Variants in MAN1A2 observed in about 807,000 individuals in gnomAD.
The protein encoded by MAN1A2 is mannosyl-oligosaccharide 1,2-alpha-mannosidase IB.
Under a neutral mutation model 75.7 loss-of-function variants are expected in MAN1A2, and 26 were observed. That is an observed-to-expected ratio of 0.34 (90% confidence interval 0.25 to 0.48). The LOEUF is 0.48. Among genes scored for constraint, MAN1A2 ranks in the 20% least tolerant of loss-of-function variants. The pLI is 0.99. For synonymous variants in MAN1A2, 247 were observed against 264.6 expected (o/e 0.93, Z 0.65); for missense variants, 562 against 775.5 (o/e 0.72, Z 3.27).
intron 9 of MAN1A2, among the ~76,000 whole-genome samples, chr1:117,495,648 A>G (rs1287493738): frequency 6.6e-6 from 1 of 151,802 alleles, no homozygotes; most frequent in Non-Finnish European, 1.5e-5. Context: ...TTTTAATTGT[A>G]ATATGGTAAG....
chr1:117,377,695 G>A (rs1175527569), intron 1 of MAN1A2, among the ~76,000 whole-genome samples: 1 of 151,456 alleles, frequency 6.6e-6, no homozygotes, highest in Admixed American at 6.6e-5. Context: ...TTTTGTGTTC[G>A]TTTTGTTTCT....
chr1:117,435,784 G>A (rs985160497), intron 5 of MAN1A2, among the ~76,000 whole-genome samples: 6 of 152,104 alleles, frequency 3.9e-5, no homozygotes, highest in East Asian at 1.9e-4. Flanking sequence ...TTGGCCTTGC[G>A]CGGTGGCTCA....
chr1:117,391,136 A>T (rs1240333516), intron 1 of MAN1A2, among the ~76,000 whole-genome samples: 1 of 152,070 alleles, frequency 6.6e-6, no homozygotes, highest in Non-Finnish European at 1.5e-5. Context: ...CCTGGTTTCT[A>T]CTCTAATCCC....
chr1:117,502,858 A>G lies in MAN1A2; in HGVS notation c.1681A>G (p.Ile561Val), dbSNP rs1304430593. 1.3e-6 allele frequency: 2 copies of G among 1,553,174 alleles called. No homozygotes were observed. Among genetic ancestry groups the G allele is most frequent in the African/African-American group, 1.4e-5 (1 of 73,366 alleles). Reference protein sequence around the residue: ...RQWGWEAALAIEKYCRVNGGF... With the variant: ...RQWGWEAALAVEKYCRVNGGF... ...TTTTGTCTGATCTCTTTCATAGGCC[A>G]TTGAAAAGTATTGCCGAGTTAATGG... Residue 561 changes from isoleucine to valine, a missense_variant, in exon 12 of 13, where the codon ATT becomes GTT. Transcript: ENST00000356554.
At chr1:117,422,515 A>T (rs954556058) in intron 5 of MAN1A2, among the ~76,000 whole-genome samples, 5 of 152,128 alleles carry the variant, frequency 3.3e-5, no homozygotes, top group Non-Finnish European at 5.9e-5. Context: ...TTAAGTGTAT[A>T]TTTAACTTTG....
At chr1:117,430,158 G>A (rs1251291517) in intron 5 of MAN1A2, among the ~76,000 whole-genome samples, 2 of 93,386 alleles carry the variant, frequency 2.1e-5, no homozygotes, top group Non-Finnish European at 4.4e-5. Context: ...AGGGGTGGCC[G>A]GGCAGAGGCG....
intron 8 of MAN1A2, among the ~76,000 whole-genome samples, chr1:117,476,458 C>T (rs1337408927): frequency 1.3e-5 from 2 of 151,962 alleles, no homozygotes; most frequent in Admixed American, 1.3e-4. Flanking sequence ...ATGGTATTGC[C>T]GAGGTTTTCT....
intron 5 of MAN1A2, among the ~76,000 whole-genome samples, chr1:117,423,555 T>C (rs1423253100): frequency 6.6e-6 from 1 of 152,320 alleles, no homozygotes; most frequent in East Asian, 1.9e-4. Context: ...CATACAGATC[T>C]TGTATGTATT....
At chr1:117,507,037 G>T (rs926407835) in intron 12 of MAN1A2, among the ~76,000 whole-genome samples, 3 of 151,470 alleles carry the variant, frequency 2.0e-5, no homozygotes, top group African/African-American at 7.3e-5. Flanking sequence ...TGTAAGATTT[G>T]GCATATTTGT....
rs1553235503 is a variant in MAN1A2, at chr1:117,445,888, A to ATATATATATATATATATG, written c.950+3574_950+3575insATATATGTATATATATAT. Among the ~76,000 whole-genome samples, 76 of 143,556 alleles carry ATATATATATATATATATG rather than the reference A, an allele frequency of 5.3e-4. No individual in the cohort carries two copies. In the South Asian group the frequency reaches 6.0e-3, roughly 11 times the overall value. 94.2% of individuals were successfully genotyped at this position (143,556 alleles called of 152,430 possible). The stretch of plus-strand genomic sequence containing the variant: ...TGTGTGTGTGTCTGTGTGTGTGTAT[A>ATATATATATATATATATG]TATATATATATGTATATATGTAAAT... On this transcript the variant is annotated intron_variant, in intron 6 of 12. Transcript: ENST00000356554.
intron 6 of MAN1A2, among the ~76,000 whole-genome samples, chr1:117,449,434 C>T (rs1177911124): frequency 6.6e-6 from 1 of 151,830 alleles, no homozygotes; most frequent in East Asian, 1.9e-4. Flanking sequence ...TGGTGTGTGC[C>T]TGTAGTACCA....
At chr1:117,379,095 A>G (rs1039082786) in intron 1 of MAN1A2, among the ~76,000 whole-genome samples, 1 of 152,012 alleles carries the variant, frequency 6.6e-6, no homozygotes, top group Non-Finnish European at 1.5e-5. Context: ...CTGTATTTTC[A>G]GTTCTGATAG....
chr1:117,465,718 T>C (rs945897685), intron 7 of MAN1A2, among the ~76,000 whole-genome samples: 2 of 152,084 alleles, frequency 1.3e-5, no homozygotes, highest in Non-Finnish European at 2.9e-5. Flanking sequence ...TAATCTATAG[T>C]TGAATCAAAA....
In MAN1A2 at chr1:117,521,736, A is replaced by G. The variant is rs535177609; in HGVS notation, c.1794-1089A>G. Among the ~76,000 whole-genome samples the G allele has an allele frequency of 6.6e-5, 10 of 152,116 alleles. No homozygotes were observed. The East Asian group carries it at 1.7e-3, about 26-fold the overall frequency. On this transcript the variant is annotated intron_variant, in intron 12 of 12. Coordinates refer to ENST00000356554, the MANE Select transcript of MAN1A2 (RefSeq NM_006699.5). ...ACGATTCGTGCACATGCATGTTTATAGCAGCACAGTTCACCATTGCAACCC... is the reference window on the plus strand; with the variant it reads ...ACGATTCGTGCACATGCATGTTTATGGCAGCACAGTTCACCATTGCAACCC...
intron 1 of MAN1A2, among the ~76,000 whole-genome samples, chr1:117,394,080 G>A (rs1182586818): frequency 6.6e-6 from 1 of 150,410 alleles, no homozygotes; most frequent in African/African-American, 2.4e-5. Flanking sequence ...AAAGACAGTG[G>A]GTTTCCTTTT....
chr1:117,517,484 T>C (rs974974404), intron 12 of MAN1A2, among the ~76,000 whole-genome samples: 4 of 152,162 alleles, frequency 2.6e-5, no homozygotes, highest in Admixed American at 1.3e-4. Context: ...AAAACTGTAA[T>C]GTTTCAGTTG....
At chr1:117,371,454 A>C (rs1210113033) in intron 1 of MAN1A2, among the ~76,000 whole-genome samples, 2 of 152,138 alleles carry the variant, frequency 1.3e-5, no homozygotes, top group Non-Finnish European at 2.9e-5. Context: ...GACCTAGTCT[A>C]TAGAGTTGGG....
At chr1:117,376,700 A>G (rs983163558) in intron 1 of MAN1A2, among the ~76,000 whole-genome samples, 3 of 152,248 alleles carry the variant, frequency 2.0e-5, no homozygotes, top group Non-Finnish European at 4.4e-5. Flanking sequence ...GTACCTTTGT[A>G]TGTACAGTTG....
chr1:117,424,844 C>T (rs1054128757), intron 5 of MAN1A2, among the ~76,000 whole-genome samples: 5 of 152,152 alleles, frequency 3.3e-5, no homozygotes, highest in African/African-American at 4.8e-5. Flanking sequence ...CTCATCTTTT[C>T]CCCTTGACCC....
Sources: allele counts gnomAD v4.1 joint callset (sites outside exome capture counted in the v4.1 genomes callset), GRCh38; gene constraint gnomAD v4.1.1; transcripts MANE v1.5; gene names NCBI Gene and HGNC (gene_info 2026-07-23, HGNC 2026-07-21).